The following PPP1R37 variants were observed in gnomAD, a reference collection of about 807,000 sequenced individuals.
The protein encoded by PPP1R37 is leucine rich repeat containing 68.
A neutral mutation model predicts 61.0 loss-of-function variants in PPP1R37; 21 were observed. The ratio of observed to expected loss-of-function variants is 0.34; its 90% CI spans 0.24 to 0.50. The LOEUF (loss-of-function observed/expected upper bound fraction) is 0.50, where lower values mean the gene tolerates loss of function less well. Ranked by LOEUF, PPP1R37 falls within the 20% of genes least tolerant of loss-of-function variation. The pLI is 0.98. For synonymous variants in PPP1R37, 443 were observed against 433.5 expected (o/e 1.02, Z -0.27); for missense variants, 910 against 952.7 (o/e 0.96, Z 0.59).
intron 1 of PPP1R37, among the ~76,000 whole-genome samples, chr19:45,124,327 C>T (rs1377324587): frequency 6.6e-6 from 1 of 152,206 alleles, no homozygotes; most frequent in Non-Finnish European, 1.5e-5. Flanking sequence ...AAGCACCGGG[C>T]CCTTCGGGGG....
chr19:45,097,712 C>A (rs1484720534), intron 1 of PPP1R37, among the ~76,000 whole-genome samples: 1 of 151,866 alleles, frequency 6.6e-6, no homozygotes, highest in African/African-American at 2.4e-5. Context: ...ACGTGAATGG[C>A]CATCTGATGT....
At chr19:45,137,012 C>T (rs1414385077) in intron 1 of PPP1R37, 1 of 152,068 alleles carries the variant, frequency 6.6e-6, no homozygotes, top group East Asian at 1.9e-4. Context: ...CCACTGCGTC[C>T]AGCAGCAGCG....
chr19:45,096,837 A>G (rs1967999532), intron 1 of PPP1R37, among the ~76,000 whole-genome samples: 1 of 152,130 alleles, frequency 6.6e-6, no homozygotes, highest in Non-Finnish European at 1.5e-5. Context: ...CTGGACTGGA[A>G]GAATTGGTCC....
Position 45,096,733 on chromosome 19 carries a change from C to T in PPP1R37, c.202+3206C>T, listed in dbSNP as rs568844164. Among the ~76,000 whole-genome samples, 4 of 152,070 alleles carry T rather than the reference C, an allele frequency of 2.6e-5. No homozygotes were observed. In the East Asian group the frequency reaches 7.8e-4, roughly 30 times the overall value. On this transcript the variant is annotated intron_variant, in intron 1 of 12. Transcript: ENST00000221462. The stretch of plus-strand genomic sequence containing the variant: ...CACTCTCCAGGCTGGGGGAGTCTCT[C>T]ATTCCAGCGGTTGAGAGAGGGGCAG...
chr19:45,115,290 G>A (rs974494017), intron 1 of PPP1R37, among the ~76,000 whole-genome samples: 2 of 152,180 alleles, frequency 1.3e-5, no homozygotes, highest in African/African-American at 2.4e-5. Context: ...CTTGGGTCAG[G>A]ATATTGAACG....
rs1439267541 is a variant in PPP1R37 at position 45,145,437 on chromosome 19, A to G, written c.1381A>G (p.Arg461Gly). Residue 461 changes from arginine to glycine, a missense_variant, in exon 11 of 13, where the codon AGG becomes GGG. This residue lies in a region of PPP1R37 where 549 missense variants were observed against 505.1 expected (regional missense o/e 1.09). Coordinates refer to ENST00000221462, the MANE Select transcript of PPP1R37 (RefSeq NM_019121.2). Reference protein sequence around the residue: ...CKRNLVLAREREEKEQPPQLS... With the variant: ...CKRNLVLAREGEEKEQPPQLS... ...GCGCAACTTGGTGCTGGCGCGGGAG[A>G]GGGAGGAGAAGGAGCAGCCGCCACA... 1 of 1,535,018 alleles carries G rather than the reference A, an allele frequency of 6.5e-7. No individual in the cohort carries two copies. The highest frequency in any genetic ancestry group is 2.0e-5 in the Admixed American group (1 of 50,976).
chr19:45,134,628 G>T (rs1313287380), intron 1 of PPP1R37, among the ~76,000 whole-genome samples: 1 of 149,912 alleles, frequency 6.7e-6, no homozygotes, highest in South Asian at 2.1e-4. Context: ...GCACGATCTC[G>T]GCTCACTGCA....
chr19:45,103,512 T>G (rs1402016418), intron 1 of PPP1R37, among the ~76,000 whole-genome samples: 1 of 152,280 alleles, frequency 6.6e-6, no homozygotes, highest in Middle Eastern at 3.4e-3. Flanking sequence ...TCTCCGAGGC[T>G]CTCACCAGCT....
chr19:45,120,801 CG>C (rs1422504641), intron 1 of PPP1R37, among the ~76,000 whole-genome samples: 3 of 151,952 alleles, frequency 2.0e-5, no homozygotes, highest in Non-Finnish European at 4.4e-5. Context: ...TTAGTAGAGA[CG>C]GGGGTTTCAC....
In PPP1R37 at chr19:45,121,144, A is replaced by G. The variant is rs1968337725; in HGVS notation, c.203-17370A>G. On this transcript the variant is annotated intron_variant, in intron 1 of 12. Coordinates refer to ENST00000221462, the MANE Select transcript of PPP1R37 (RefSeq NM_019121.2). The surrounding 1 kb of genome is among the most constrained non-coding windows in gnomAD (Gnocchi z 4.2). The stretch of plus-strand genomic sequence containing the variant: ...GGTAAAGCACAGTAGAAGGGCCCCA[A>G]GCAGTGTTTGTTCTCTTCCCCCATG... Among the ~76,000 whole-genome samples the G allele has an allele frequency of 1.3e-5, 2 of 152,192 alleles. No homozygotes were observed. Among genetic ancestry groups the G allele is most frequent in the South Asian group, 4.1e-4 (2 of 4,822 alleles).
chr19:45,099,594 C>T (rs1442605271), intron 1 of PPP1R37, among the ~76,000 whole-genome samples: 3 of 152,220 alleles, frequency 2.0e-5, no homozygotes, highest in African/African-American at 4.8e-5. Context: ...CACTGTGACT[C>T]GCCGCTCTCC....
At chr19:45,115,118 G>A (rs1241932222) in intron 1 of PPP1R37, among the ~76,000 whole-genome samples, 1 of 152,178 alleles carries the variant, frequency 6.6e-6, no homozygotes, top group African/African-American at 2.4e-5. Flanking sequence ...AGGCAAGCCC[G>A]GCCCTGCCTT....
In PPP1R37 at chr19:45,138,870, A is replaced by G. The variant is rs1420994112; in HGVS notation, c.300+259A>G. On this transcript the variant is annotated intron_variant, in intron 2 of 12. Transcript: ENST00000221462. ...TCCCTGGGGAAGAGGCATATCTACG[A>G]TTCTTGTGAGTCTGAATTACAAAAT... is the stretch of plus-strand genomic sequence containing the variant. 3.6e-5 allele frequency among the ~76,000 whole-genome samples: 5 copies of G among 139,396 alleles called. No individual in the cohort carries two copies. In the East Asian group the frequency reaches 1.1e-3, roughly 30 times the overall value. The allele number at this position is 139,396 out of a possible 152,430, so 91.4% of individuals were successfully genotyped here. A position where few individuals can be genotyped will look rare whatever the true frequency, so the allele number is the denominator to read the frequency against.
chr19:45,128,105 T>G (rs1325156014), intron 1 of PPP1R37, among the ~76,000 whole-genome samples: 1 of 152,176 alleles, frequency 6.6e-6, no homozygotes, highest in African/African-American at 2.4e-5. Context: ...TTAATAAAAT[T>G]AAACATTTTA....
chr19:45,122,972 C>T (rs147420663), intron 1 of PPP1R37, among the ~76,000 whole-genome samples: 151 of 152,322 alleles, frequency 9.9e-4, no homozygotes, highest in African/African-American at 3.3e-3. Flanking sequence ...CCTCCTGCAC[C>T]TGCACTTTCT....
At position 45,106,386 on chromosome 19, in the gene PPP1R37, CAT is replaced by C. The variant is rs1465750246; in HGVS notation, c.202+12860_202+12861del. On this transcript the variant is annotated intron_variant, in intron 1 of 12. Coordinates refer to ENST00000221462, the MANE Select transcript of PPP1R37 (RefSeq NM_019121.2). ...CCTCCCAAGTAGCTGGGATTATAGG[CAT>C]GCGCCACCATGCCCAGCTAATTTTT... is the stretch of plus-strand genomic sequence containing the variant. Among the ~76,000 whole-genome samples, 5 of 152,122 alleles carry C rather than the reference CAT, an allele frequency of 3.3e-5. No individual in the cohort carries two copies. The East Asian group carries it at 9.6e-4, about 29-fold the overall frequency.
intron 1 of PPP1R37, among the ~76,000 whole-genome samples, chr19:45,096,007 T>C (rs544039296): frequency 3.9e-5 from 6 of 152,294 alleles, no homozygotes; most frequent in African/African-American, 1.4e-4. Flanking sequence ...TGAGCCTCAG[T>C]CTTCCCATCT....
chr19:45,140,234 AG>A lies in PPP1R37; in HGVS notation c.301del. On this transcript the variant is annotated splice_acceptor_variant, in intron 2 of 12. Transcript: ENST00000221462. LOFTEE classifies it high-confidence loss of function. Reference sequence around the variant, plus strand: ...TGCCTTAACCCCACTCTACTTTCTCAGGAATTCACAGACCTCGGGCACCGCC... The same window carrying A: ...TGCCTTAACCCCACTCTACTTTCTCAGAATTCACAGACCTCGGGCACCGCC... 1 of 1,535,846 alleles carries A rather than the reference AG, an allele frequency of 6.5e-7. No homozygotes were observed. Among genetic ancestry groups the A allele is most frequent in the Non-Finnish European group, 8.7e-7 (1 of 1,146,690 alleles).
intron 1 of PPP1R37, among the ~76,000 whole-genome samples, chr19:45,116,164 C>T (rs1050839504): frequency 1.7e-4 from 26 of 152,214 alleles, no homozygotes; most frequent in African/African-American, 5.3e-4. Flanking sequence ...TTGTTCCTTC[C>T]GTCCCAAGAG....
Sources: gnomAD v4.1 joint callset for allele counts (sites outside exome capture counted in the v4.1 genomes callset) on GRCh38, gnomAD v4.1.1 for gene constraint, gnomAD v4.1.1 regional missense constraint, Gnocchi (gnomAD v3.1) non-coding constraint, MANE v1.5 for transcripts, NCBI Gene and HGNC (gene_info 2026-07-23, HGNC 2026-07-21) for gene names.